Variants in ARMC2 observed in about 807,000 individuals in gnomAD.
The protein encoded by ARMC2 is armadillo repeat-containing protein 2.
In ARMC2, 67 loss-of-function variants were observed where a neutral mutation model predicts 90.3. That is an observed-to-expected ratio of 0.74 (90% confidence interval 0.61 to 0.91). The LOEUF is 0.91. Among genes scored for constraint, ARMC2 ranks in the 40% least tolerant of loss-of-function variants. ARMC2 has a pLI of 0.00. For missense variants in ARMC2, 920 were observed against 1,030.9 expected (o/e 0.89, Z 1.47); for synonymous variants, 393 against 393.0 (o/e 1.00, Z 0.00).
At chr6:108,890,831 G>A (rs1770942460) in intron 5 of ARMC2, among the ~76,000 whole-genome samples, 1 of 152,246 alleles carries the variant, frequency 6.6e-6, no homozygotes, top group African/African-American at 2.4e-5. Context: ...AGGTATACAT[G>A]TGCCATGGTG....
chr6:109,000,146 G>C, the ARMC2 span: 634 of 164,240 alleles, frequency 3.9e-3, 4 homozygotes, highest in African/African-American at 0.014. Flanking sequence ...AAGGGGAAAG[G>C]GGGGGAAAGG....
chr6:108,989,609 ATCTC>A, the ARMC2 span, among the ~76,000 whole-genome samples: 3 of 151,612 alleles, frequency 2.0e-5, no homozygotes, highest in East Asian at 1.9e-4. Flanking sequence ...AGAGATAGAT[ATCTC>A]TCTATATAGA....
chr6:108,860,309 C>T (rs566114995), intron 3 of ARMC2, among the ~76,000 whole-genome samples: 2 of 151,972 alleles, frequency 1.3e-5, no homozygotes, highest in South Asian at 4.2e-4. Context: ...GCATTTTTGT[C>T]TCTGCTTTTT....
chr6:109,033,328 T>A, the ARMC2 span, among the ~76,000 whole-genome samples: 1 of 152,220 alleles, frequency 6.6e-6, no homozygotes, highest in African/African-American at 2.4e-5. Context: ...AAACTGATTA[T>A]TAATTAGAAT....
Position 108,888,762 on chromosome 6 carries a change from C to A in ARMC2, c.672-5705C>A, listed in dbSNP as rs1770643340. ...CCATGGCTACATTCTGTTATTTCCT[C>A]TGCCTGAAATCCTGTCAACCCTTGA... On this transcript the variant is annotated intron_variant, in intron 5 of 17. Coordinates refer to ENST00000392644, the MANE Select transcript of ARMC2 (RefSeq NM_032131.6). Among the ~76,000 whole-genome samples the A allele has an allele frequency of 2.0e-5, 3 of 152,172 alleles. No homozygotes were observed. In the South Asian group the frequency reaches 6.2e-4, roughly 32 times the overall value.
the ARMC2 span, among the ~76,000 whole-genome samples, chr6:109,033,814 C>T: frequency 6.6e-6 from 1 of 152,140 alleles, no homozygotes; most frequent in Admixed American, 6.5e-5. Context: ...AAATTAAGAA[C>T]AAGCTTTTAG....
chr6:108,999,015 T>C, the ARMC2 span: 10 of 274,332 alleles, frequency 3.6e-5, no homozygotes, highest in South Asian at 6.4e-4. Context: ...AGAGAATGCA[T>C]TTTGCTTAAA....
At chr6:108,927,149 C>T (rs1386608431) in intron 10 of ARMC2, among the ~76,000 whole-genome samples, 4 of 151,988 alleles carry the variant, frequency 2.6e-5, no homozygotes, top group African/African-American at 9.7e-5. Flanking sequence ...TACACACAAC[C>T]CCCCGAGAGG....
the ARMC2 span, among the ~76,000 whole-genome samples, chr6:109,038,230 C>T: frequency 3.9e-5 from 6 of 152,340 alleles, no homozygotes; most frequent in Admixed American, 2.6e-4. Flanking sequence ...CAGTGGCTCA[C>T]GCCTATAATC....
At chr6:109,003,613 G>C in the ARMC2 span, among the ~76,000 whole-genome samples, 1 of 152,068 alleles carries the variant, frequency 6.6e-6, no homozygotes, top group African/African-American at 2.4e-5. Flanking sequence ...CTTCTCCCTG[G>C]TTAGTCCATC....
At chr6:108,951,454 ACT>A (rs2128503647) in intron 12 of ARMC2, among the ~76,000 whole-genome samples, 1 of 151,580 alleles carries the variant, frequency 6.6e-6, no homozygotes, top group South Asian at 2.1e-4. Context: ...CCGAAAATGA[ACT>A]CTCTCCTGGA....
chr6:108,910,891 C>T lies in ARMC2; in HGVS notation c.1024-8C>T. 2 of 1,429,126 alleles carry T rather than the reference C, an allele frequency of 1.4e-6. No homozygotes were observed. The highest frequency in any genetic ancestry group is 9.5e-7 in the Non-Finnish European group (1 of 1,048,904). The allele number at this position is 1,429,126 out of a possible 1,614,324, so 88.5% of individuals were successfully genotyped here. ...TTCTGCAATAGAGATGTGTTTCTTT[C>T]TCTGCAGCTTAAAGTGAGTAGAAAG... On this transcript the variant is annotated splice_region_variant and splice_polypyrimidine_tract_variant and intron_variant, in intron 8 of 17. Coordinates refer to ENST00000392644, the MANE Select transcript of ARMC2 (RefSeq NM_032131.6).
At chr6:108,972,241 G>T (rs1362529092) in intron 17 of ARMC2, among the ~76,000 whole-genome samples, 1 of 152,150 alleles carries the variant, frequency 6.6e-6, no homozygotes, top group Non-Finnish European at 1.5e-5. Flanking sequence ...GAATTCCTTG[G>T]ATTAAGAATT....
At chr6:108,876,418 T>A in intron 5 of ARMC2, 68 bp downstream of exon 5, 1 of 1,468,154 alleles carries the variant, frequency 6.8e-7, no homozygotes, top group Non-Finnish European at 9.3e-7. Flanking sequence ...CTTCTCTATT[T>A]TATATAGATG....
At chr6:109,035,888 G>A in the ARMC2 span, among the ~76,000 whole-genome samples, 2 of 152,132 alleles carry the variant, frequency 1.3e-5, no homozygotes, top group East Asian at 1.9e-4. Context: ...GATTACAGAC[G>A]TGACCACTGC....
the ARMC2 span, among the ~76,000 whole-genome samples, chr6:109,037,284 G>GT: frequency 2.6e-5 from 4 of 152,166 alleles, no homozygotes; most frequent in Admixed American, 1.3e-4. Flanking sequence ...TAAAAATTTT[G>GT]TTTTTTCTCT....
At chr6:108,927,823 G>A (rs1775227486) in intron 10 of ARMC2, among the ~76,000 whole-genome samples, 1 of 152,148 alleles carries the variant, frequency 6.6e-6, no homozygotes, top group Non-Finnish European at 1.5e-5. Context: ...CTAGATGATG[G>A]TTTGTTTAAC....
intron 8 of ARMC2, among the ~76,000 whole-genome samples, chr6:108,907,446 TTTTC>T (rs201620637): frequency 0.033 from 4,671 of 142,238 alleles, 261 homozygotes; most frequent in African/African-American, 0.1. Context: ...TGTTCTTCTG[TTTTC>T]TTTCTTTCTT....
intron 5 of ARMC2, among the ~76,000 whole-genome samples, chr6:108,879,740 G>T (rs1249530013): frequency 3.9e-5 from 6 of 152,142 alleles, no homozygotes; most frequent in Non-Finnish European, 8.8e-5. Flanking sequence ...GAAAGCCCAA[G>T]AACAGCCAGT....
Sources: gnomAD v4.1 joint callset for allele counts (sites outside exome capture counted in the v4.1 genomes callset) on GRCh38, gnomAD v4.1.1 for gene constraint, MANE v1.5 for transcripts, NCBI Gene and HGNC (gene_info 2026-07-23, HGNC 2026-07-21) for gene names.